NKTR: variants seen among roughly 807,000 people sequenced by gnomAD.
NKTR encodes the protein natural killer cell triggering receptor.
Under a neutral mutation model 156.3 loss-of-function variants are expected in NKTR, and 67 were observed. The ratio of observed to expected loss-of-function variants is 0.43; its 90% CI spans 0.35 to 0.53. The LOEUF (loss-of-function observed/expected upper bound fraction) is 0.53. Ranked by LOEUF, NKTR falls within the 20% of genes least tolerant of loss-of-function variation. The pLI is 0.01. For synonymous variants in NKTR, 640 were observed against 596.6 expected, an observed-to-expected ratio of 1.07 and a Z score of -1.06; for missense variants, 1,604 against 1,730.9, an observed-to-expected ratio of 0.93 and a Z score of 1.30.
At chr3:42,625,421 G>T (rs997327914) in intron 6 of NKTR, among the ~76,000 whole-genome samples, 3 of 148,934 alleles carry the variant, frequency 2.0e-5, no homozygotes, top group African/African-American at 7.6e-5. Flanking sequence ...TCATAAATAG[G>T]GCAATGGGGG....
intron 4 of NKTR, 126 bp downstream of exon 4, chr3:42,619,253 T>C (rs1577476203): frequency 2.0e-6 from 3 of 1,489,894 alleles, no homozygotes; most frequent in African/African-American, 1.4e-5. Context: ...TGAATACTTG[T>C]TGGATGAGTG....
chr3:42,641,874 C>CAAAA (rs35450151), intron 13 of NKTR, among the ~76,000 whole-genome samples: 1 of 110,406 alleles, frequency 9.1e-6, no homozygotes, highest in African/African-American at 3.3e-5. Context: ...CAAGACTCCT[C>CAAAA]AAAAAAAAAA....
chr3:42,614,873 A>T (rs920868727), intron 2 of NKTR, among the ~76,000 whole-genome samples: 19 of 152,102 alleles, frequency 1.2e-4, no homozygotes, highest in African/African-American at 4.3e-4. Context: ...TATTTTTCTT[A>T]TGTGCCAGGT....
Position 42,646,372 on chromosome 3 carries a change from A to G in NKTR, c.*397A>G, listed in dbSNP as rs1254617444. On this transcript the variant is annotated 3_prime_UTR_variant, in exon 17 of 17. Transcript: ENST00000232978. ...GCCAAGCATAGAACTGTGAAGGAGA[A>G]CTGTTAAAGGCGGCCAAATATTTAT... The G allele has an allele frequency of 5.5e-6, 1 of 182,764 alleles. No homozygotes were observed. Among genetic ancestry groups the G allele is most frequent in the African/African-American group, 2.4e-5 (1 of 42,248 alleles). 11.3% of individuals were successfully genotyped at this position (182,764 alleles called of 1,614,324 possible). A position where few individuals can be genotyped will look rare whatever the true frequency, so the allele number is the denominator to read the frequency against.
chr3:42,618,924 A>G (rs1369169226), intron 3 of NKTR, 96 bp from the exon 4 acceptor site: 3 of 1,040,840 alleles, frequency 2.9e-6, no homozygotes, highest in Non-Finnish European at 4.2e-6. Flanking sequence ...CCTAGCACAC[A>G]GGAAAGATTT....
At chr3:42,622,787 C>T (rs1553661971) in intron 6 of NKTR, among the ~76,000 whole-genome samples, 1 of 151,982 alleles carries the variant, frequency 6.6e-6, no homozygotes, top group Non-Finnish European at 1.5e-5. Flanking sequence ...TTAATAGTAA[C>T]TTAATGTAAA....
At position 42,634,600 on chromosome 3, in the gene NKTR, CTT is replaced by C; in HGVS notation, c.930-12_930-11del. 1 of 1,459,642 alleles carries C rather than the reference CTT, an allele frequency of 6.9e-7. No homozygotes were observed. The highest frequency in any genetic ancestry group is 9.4e-7 in the Non-Finnish European group (1 of 1,067,434). The allele number at this position is 1,459,642 out of a possible 1,614,324, so 90.4% of individuals were successfully genotyped here. A position where few individuals can be genotyped will look rare whatever the true frequency, so the allele number is the denominator to read the frequency against. On this transcript the variant is annotated splice_polypyrimidine_tract_variant and intron_variant, in intron 10 of 16. Coordinates refer to ENST00000232978, the MANE Select transcript of NKTR (RefSeq NM_005385.4). ...GCTTATTTTTAATTTTCATCACAAT[CTT>C]CTTTTCCTAGGAAGATTCCTGATGT...
At chr3:42,604,795 T>A (rs1030511615) in intron 2 of NKTR, among the ~76,000 whole-genome samples, 3 of 150,070 alleles carry the variant, frequency 2.0e-5, no homozygotes, top group African/African-American at 7.4e-5. Context: ...TTCAAGTGAT[T>A]CTCGTGCCTC....
In NKTR at chr3:42,634,598, A is replaced by G. The variant is rs779100622; in HGVS notation, c.930-15A>G. ...TTGCTTATTTTTAATTTTCATCACAATCTTCTTTTCCTAGGAAGATTCCTG... is the reference window on the plus strand; with the variant it reads ...TTGCTTATTTTTAATTTTCATCACAGTCTTCTTTTCCTAGGAAGATTCCTG... On this transcript the variant is annotated splice_polypyrimidine_tract_variant and intron_variant, in intron 10 of 16. Coordinates refer to ENST00000232978, the MANE Select transcript of NKTR (RefSeq NM_005385.4). 3 of 1,438,418 alleles carry G rather than the reference A, an allele frequency of 2.1e-6. No homozygotes were observed. The highest frequency in any genetic ancestry group is 1.9e-6 in the Non-Finnish European group (2 of 1,050,200). The allele number at this position is 1,438,418 out of a possible 1,614,324, so 89.1% of individuals were successfully genotyped here.
chr3:42,636,330 C>T (rs999730954), intron 12 of NKTR, among the ~76,000 whole-genome samples: 1 of 152,158 alleles, frequency 6.6e-6, no homozygotes, highest in Non-Finnish European at 1.5e-5. Context: ...CAGATTGTAA[C>T]CTGTATCTGT....
intron 3 of NKTR, 60 bp downstream of exon 3, chr3:42,617,704 G>A: frequency 1.2e-6 from 1 of 833,736 alleles, no homozygotes. Flanking sequence ...TTGCTGAACA[G>A]AATAGATATT....
intron 2 of NKTR, among the ~76,000 whole-genome samples, chr3:42,615,085 T>TG (rs1041345153): frequency 1.1e-4 from 16 of 150,856 alleles, no homozygotes; most frequent in East Asian, 5.9e-4. Flanking sequence ...GTTTTTTCTT[T>TG]TTTTTTTTTT....
chr3:42,617,900 A>C (rs1707531545), intron 3 of NKTR, among the ~76,000 whole-genome samples: 1 of 152,192 alleles, frequency 6.6e-6, no homozygotes, highest in African/African-American at 2.4e-5. Context: ...TTCTCTATAC[A>C]TTTTAATTTA....
rs1479671676 is a variant in NKTR, at chr3:42,633,686, C to T, written c.880C>T (p.Arg294Ter). 2.5e-6 allele frequency: 4 copies of T among 1,613,886 alleles called. No homozygotes were observed. Among genetic ancestry groups the T allele is most frequent in the African/African-American group, 1.3e-5 (1 of 74,906 alleles). ...PEEIPPVPEN[R>*]FLLRRDMPVV... ...AGAGATTCCTCCAGTGCCTGAGAAC[C>T]GATTTTTACTGAGAAGAGATATGCC... Residue 294 changes from arginine (R) to a stop codon, truncating the protein, a stop_gained, in exon 10 of 17, where the codon CGA becomes TGA. Transcript: ENST00000232978. LOFTEE classifies it high-confidence loss of function.
intron 5 of NKTR, chr3:42,620,023 G>C (rs755413775): frequency 6.5e-7 from 1 of 1,533,734 alleles, no homozygotes; most frequent in Non-Finnish European, 8.7e-7. Flanking sequence ...TAGAGAATGT[G>C]GTCTTTTGCA....
chr3:42,639,624 A>G lies in NKTR; in HGVS notation c.3920A>G (p.Asp1307Gly). 3 of 1,614,216 alleles carry G rather than the reference A, an allele frequency of 1.9e-6. No individual in the cohort carries two copies. The highest frequency in any genetic ancestry group is 2.5e-6 in the Non-Finnish European group (3 of 1,180,014). The change falls in exon 13 of 17, where the codon GAT becomes GGT. Residue 1307 changes from aspartate (D) to glycine (G), a missense_variant. Physicochemically the swap from Asp to Gly is moderately conservative, Grantham distance 94. Around this residue, in one of 6 missense-constraint regions of NKTR, gnomAD observed 193 missense variants for 220.2 expected, o/e 0.88. Coordinates refer to ENST00000232978, the MANE Select transcript of NKTR (RefSeq NM_005385.4). ...SSDEQTPSRD[D>G]DSQSRSPSRS... The stretch of plus-strand genomic sequence containing the variant: ...GATGAGCAGACGCCTAGTCGGGATG[A>G]TGATAGCCAGTCCAGGAGTCCAAGT...
intron 2 of NKTR, among the ~76,000 whole-genome samples, chr3:42,617,035 G>A (rs1023088909): frequency 6.6e-6 from 1 of 152,140 alleles, no homozygotes; most frequent in African/African-American, 2.4e-5. Context: ...GGGATTATAG[G>A]TGTGAGCCAC....
rs1229439880 is a variant in NKTR, at chr3:42,643,955, A to G, written c.4253A>G (p.Gln1418Arg). The G allele has an allele frequency of 6.2e-7, 1 of 1,614,128 alleles. No homozygotes were observed. ...AGGAGTCGGAGTCGAAGTAGAAGCCAGAGAAGTGACAGTTACCACCGAGGC... is the reference window on the plus strand; with the variant it reads ...AGGAGTCGGAGTCGAAGTAGAAGCCGGAGAAGTGACAGTTACCACCGAGGC... The part of the protein sequence containing the change: ...YSRSRSRSRS[Q>R]RSDSYHRGRS... The change falls in exon 16 of 17, where the codon CAG becomes CGG. Residue 1418 changes from glutamine to arginine, a missense_variant. Physicochemically the swap from Gln to Arg is conservative, Grantham distance 43 (BLOSUM62 1). Transcript: ENST00000232978.
chr3:42,604,148 CTT>C (rs1414952654), intron 2 of NKTR, among the ~76,000 whole-genome samples: 2 of 152,188 alleles, frequency 1.3e-5, no homozygotes, highest in African/African-American at 4.8e-5. Context: ...AGTGGTGTCT[CTT>C]TTCATTCCTG....
Sources: gnomAD v4.1 joint callset for allele counts (sites outside exome capture counted in the v4.1 genomes callset) on GRCh38, gnomAD v4.1.1 for gene constraint, gnomAD v4.1.1 regional missense constraint, MANE v1.5 for transcripts, NCBI Gene and HGNC (gene_info 2026-07-23, HGNC 2026-07-21) for gene names.